The following RALGPS1 variants were observed in gnomAD, a reference collection of about 807,000 sequenced individuals.
RALGPS1 encodes Ral GEF with PH domain and SH3 binding motif 1.
Under a neutral mutation model 78.8 loss-of-function variants are expected in RALGPS1, and 19 were observed. That is an observed-to-expected ratio of 0.24 (90% confidence interval 0.17 to 0.35). RALGPS1 has a LOEUF of 0.35. Among genes scored for constraint, RALGPS1 ranks in the 10% least tolerant of loss-of-function variants. The pLI, the probability that RALGPS1 is intolerant of heterozygous loss-of-function variation, is 1.00. For synonymous variants in RALGPS1, 228 were observed against 256.3 expected (o/e 0.89, Z 1.06); for missense variants, 454 against 688.3 (o/e 0.66, Z 3.81).
chr9:127,222,584 G>T lies in RALGPS1; in HGVS notation c.*3815G>T, dbSNP rs1426632559. On this transcript the variant is annotated 3_prime_UTR_variant, in exon 19 of 19. Transcript: ENST00000259351. ...CCTTGCAGCCGTATGCTGCACAAGCGTGTACACCCCCTGGGCAGCCTCAAA... is the reference window on the plus strand; with the variant it reads ...CCTTGCAGCCGTATGCTGCACAAGCTTGTACACCCCCTGGGCAGCCTCAAA... 6.6e-6 allele frequency: 1 copy of T among 152,388 alleles called. No homozygotes were observed. Among genetic ancestry groups the T allele is most frequent in the Non-Finnish European group, 1.5e-5 (1 of 68,048 alleles). 9.4% of individuals were successfully genotyped at this position (152,388 alleles called of 1,614,324 possible). A position where few individuals can be genotyped will look rare whatever the true frequency, so the allele number is the denominator to read the frequency against.
intron 4 of RALGPS1, among the ~76,000 whole-genome samples, chr9:127,027,857 A>T (rs962530467): frequency 1.3e-5 from 2 of 152,156 alleles, no homozygotes; most frequent in African/African-American, 4.8e-5. Flanking sequence ...ATGTGACCTT[A>T]GACATGTGGC....
intron 14 of RALGPS1, among the ~76,000 whole-genome samples, chr9:127,204,057 G>A (rs989220901): frequency 6.6e-6 from 1 of 152,204 alleles, no homozygotes; most frequent in Non-Finnish European, 1.5e-5. Flanking sequence ...CCAGGTCCTT[G>A]GGCAGCTCTC....
At chr9:126,942,948 G>C (rs187582234) in intron 1 of RALGPS1, among the ~76,000 whole-genome samples, 22 of 152,000 alleles carry the variant, frequency 1.4e-4, no homozygotes, top group Non-Finnish European at 2.9e-5. Context: ...TTGTTAGTGG[G>C]CTCTTGGGCC....
Position 127,105,895 on chromosome 9 carries a change from T to C in RALGPS1, c.610+36539T>C, listed in dbSNP as rs116236001. ...GCATGTAGTAGGGGCTCAGCAAATG[T>C]TGGCTTTACTACATGACATAATGTT... On this transcript the variant is annotated intron_variant, in intron 8 of 18. Coordinates refer to ENST00000259351, the MANE Select transcript of RALGPS1 (RefSeq NM_014636.3). 2.8e-3 allele frequency among the ~76,000 whole-genome samples: 432 copies of C among 152,344 alleles called. 2 individuals are homozygous for C. Among genetic ancestry groups the C allele is most frequent in the African/African-American group, 9.8e-3 (406 of 41,578 alleles).
intron 8 of RALGPS1, among the ~76,000 whole-genome samples, chr9:127,112,601 C>CA (rs1429513468): frequency 9.9e-5 from 15 of 152,254 alleles, no homozygotes; most frequent in Admixed American, 3.9e-4. Flanking sequence ...AGCTCCCCGA[C>CA]AGAGTTCTTG....
intron 4 of RALGPS1, chr9:126,989,791 T>TA: frequency 6.9e-7 from 1 of 1,450,278 alleles, no homozygotes; most frequent in South Asian, 1.4e-5. Flanking sequence ...GTGGGACACT[T>TA]ACTCTAGAGG....
At chr9:127,171,149 T>G (rs2059547105) in intron 10 of RALGPS1, among the ~76,000 whole-genome samples, 1 of 152,246 alleles carries the variant, frequency 6.6e-6, no homozygotes, top group Non-Finnish European at 1.5e-5. Context: ...TTATTTTATT[T>G]AAGAAAAATT....
intron 14 of RALGPS1, among the ~76,000 whole-genome samples, chr9:127,202,161 G>A (rs1204045921): frequency 1.3e-5 from 2 of 152,192 alleles, no homozygotes; most frequent in South Asian, 2.1e-4. Flanking sequence ...ATGCCAAGAC[G>A]AAAGCCAGGA....
chr9:126,964,069 A>G (rs1010658144), intron 2 of RALGPS1, among the ~76,000 whole-genome samples: 4 of 152,102 alleles, frequency 2.6e-5, no homozygotes, highest in Admixed American at 6.6e-5. Flanking sequence ...AAAAATAGCC[A>G]TGCCTGGGCT....
At chr9:127,055,034 A>AGAGAGAGG (rs1216106184) in intron 7 of RALGPS1, among the ~76,000 whole-genome samples, 2 of 127,960 alleles carry the variant, frequency 1.6e-5, no homozygotes, top group African/African-American at 5.7e-5. Context: ...AGAGAGAGAG[A>AGAGAGAGG]GAGAGAAGAA....
At chr9:126,973,057 A>C (rs1408419733) in intron 3 of RALGPS1, among the ~76,000 whole-genome samples, 3 of 151,990 alleles carry the variant, frequency 2.0e-5, no homozygotes, top group African/African-American at 7.3e-5. Context: ...GCGAGACTCC[A>C]TCTCAAAACA....
intron 8 of RALGPS1, among the ~76,000 whole-genome samples, chr9:127,159,758 T>C (rs1448720682): frequency 6.6e-6 from 1 of 152,212 alleles, no homozygotes. Flanking sequence ...CCTAATGAGC[T>C]GCTGCTTTGT....
chr9:127,038,915 A>C (rs376173010), intron 5 of RALGPS1, among the ~76,000 whole-genome samples: 2 of 152,210 alleles, frequency 1.3e-5, no homozygotes, highest in African/African-American at 4.8e-5. Flanking sequence ...GAAATGACAG[A>C]GAAGAGTAAA....
chr9:127,150,522 A>G (rs1012023792), intron 8 of RALGPS1, among the ~76,000 whole-genome samples: 2 of 152,228 alleles, frequency 1.3e-5, no homozygotes, highest in African/African-American at 4.8e-5. Context: ...ACACAGCTGC[A>G]TCAGGTGCAG....
intron 8 of RALGPS1, among the ~76,000 whole-genome samples, chr9:127,102,699 A>G (rs1162678301): frequency 6.6e-6 from 1 of 152,202 alleles, no homozygotes; most frequent in Non-Finnish European, 1.5e-5. Context: ...GAGGAGGAAG[A>G]GAAAGCAAAG....
intron 8 of RALGPS1, chr9:127,108,572 A>G: frequency 6.2e-7 from 1 of 1,613,500 alleles, no homozygotes; most frequent in Non-Finnish European, 8.5e-7. Context: ...GTGTAGGTGC[A>G]CTTGTCCTGG....
rs180840728 is a variant in RALGPS1 at position 126,920,747 on chromosome 9, A to G, written c.-66+5772A>G. 1.3e-3 allele frequency among the ~76,000 whole-genome samples: 196 copies of G among 152,340 alleles called. 4 individuals carry two copies. Among genetic ancestry groups the G allele is most frequent in the Admixed American group, 0.011 (172 of 15,308 alleles). On this transcript the variant is annotated intron_variant, in intron 1 of 18. Transcript: ENST00000259351. ...CAACCTTGTAATGGATGCTGGACAC[A>G]TGCAGATGAAGCTTTGTCCCTGCCC...
intron 10 of RALGPS1, among the ~76,000 whole-genome samples, chr9:127,169,199 T>C (rs1011207921): frequency 6.6e-6 from 1 of 152,078 alleles, no homozygotes; most frequent in African/African-American, 2.4e-5. Context: ...TCCAGCCATA[T>C]CTCCAGACTA....
chr9:126,958,142 A>AATATATATATATATATATATAT (rs1554765218), intron 1 of RALGPS1, among the ~76,000 whole-genome samples: 1 of 77,084 alleles, frequency 1.3e-5, no homozygotes, highest in East Asian at 4.0e-4. Context: ...AAAAAAAAAA[A>AATATATATATATATATATATAT]ATATATATAT....
Sources: gnomAD v4.1 joint callset for allele counts (sites outside exome capture counted in the v4.1 genomes callset) on GRCh38, gnomAD v4.1.1 for gene constraint, MANE v1.5 for transcripts, NCBI Gene and HGNC (gene_info 2026-07-23, HGNC 2026-07-21) for gene names.